DMBX1: variants seen among roughly 807,000 people sequenced by gnomAD.
The protein encoded by DMBX1 is diencephalon/mesencephalon homeobox 1, also known as diencephalon/mesencephalon homeobox protein 1.
DMBX1 carries 7 observed loss-of-function variants against 30.4 expected under a neutral mutation model. The observed-to-expected ratio is 0.23, with a 90% CI of 0.13 to 0.43. DMBX1 has a LOEUF of 0.43. Among genes scored for constraint, DMBX1 ranks in the 20% least tolerant of loss-of-function variants. The probability of loss-of-function intolerance (pLI) is 1.00; values close to 1 mark genes in which losing one functional copy is unlikely to be tolerated. For synonymous variants in DMBX1, 222 were observed against 214.2 expected, an observed-to-expected ratio of 1.04 and a Z score of -0.32; for missense variants, 460 against 508.5, an observed-to-expected ratio of 0.90 and a Z score of 0.92.
At position 46,510,964 on chromosome 1, in the gene DMBX1, C is replaced by G. The variant is rs766473923; in HGVS notation, c.363C>G (p.Phe121Leu). 6.2e-7 allele frequency: 1 copy of G among 1,609,350 alleles called. No individual in the cohort carries two copies. The highest frequency in any genetic ancestry group is 1.3e-5 in the African/African-American group (1 of 74,786). Residue 121 changes from phenylalanine to leucine, a missense_variant, in exon 5 of 6, where the codon TTC becomes TTG. Coordinates refer to ENST00000360032, the MANE Select transcript of DMBX1 (RefSeq NM_172225.2). This position sits in a 1 kb window ranked among gnomAD's most constrained non-coding sequence, Gnocchi z 4.1. Reference sequence around the variant, plus strand: ...GGTTCAAGAACCGCCGGGCCAAGTTCCGGAAGAAGCAGCGTAGCCTGCAGA... The same window carrying G: ...GGTTCAAGAACCGCCGGGCCAAGTTGCGGAAGAAGCAGCGTAGCCTGCAGA... ...QVWFKNRRAK[F>L]RKKQRSLQKE...
At chr1:46,498,786 A>T (rs1666070828) in intron 2 of DMBX1, among the ~76,000 whole-genome samples, 1 of 152,200 alleles carries the variant, frequency 6.6e-6, no homozygotes, top group Non-Finnish European at 1.5e-5. Flanking sequence ...TGGGCTTCAG[A>T]CCTATGGCTG....
At chr1:46,497,351 G>C (rs560490501) in intron 2 of DMBX1, among the ~76,000 whole-genome samples, 3 of 152,190 alleles carry the variant, frequency 2.0e-5, no homozygotes, top group Non-Finnish European at 4.4e-5. Flanking sequence ...GGTAGCTGTT[G>C]TTATTGTTGT....
chr1:46,511,333 CGT>C, intron 5 of DMBX1, 50 bp downstream of exon 5: 1 of 1,461,812 alleles, frequency 6.8e-7, no homozygotes, highest in Admixed American at 2.5e-5. Flanking sequence ...GGGCCCTGAG[CGT>C]GTGAAGCAAG....
Position 46,512,480 on chromosome 1 carries a change from A to G in DMBX1, c.1120A>G (p.Thr374Ala), listed in dbSNP as rs760888421. 1 of 1,608,964 alleles carries G rather than the reference A, an allele frequency of 6.2e-7. No homozygotes were observed. Among genetic ancestry groups the G allele is most frequent in the South Asian group, 1.1e-5 (1 of 90,766 alleles). The change falls in exon 6 of 6, where the codon ACG (threonine) becomes GCG (alanine). Residue 374 changes from threonine (T) to alanine (A), a missense_variant. By Grantham distance (58) the Thr-to-Ala change is moderately conservative. This residue lies in a region of DMBX1 where 334 missense variants were observed against 345.1 expected (regional missense o/e 0.97). Transcript: ENST00000360032. The surrounding 1 kb of genome is among the most constrained non-coding windows in gnomAD (Gnocchi z 4.8). ...KQHAASLGLD[T>A]LPN ...GCACGCGGCCTCCCTGGGACTCGATACGCTGCCCAACTGACTGTCTGGCTT... is the reference window on the plus strand; with the variant it reads ...GCACGCGGCCTCCCTGGGACTCGATGCGCTGCCCAACTGACTGTCTGGCTT...
At chr1:46,498,360 C>T (rs907520671) in intron 2 of DMBX1, among the ~76,000 whole-genome samples, 3 of 152,272 alleles carry the variant, frequency 2.0e-5, no homozygotes, top group Non-Finnish European at 4.4e-5. Flanking sequence ...TCAACATTTA[C>T]TATTTACTAA....
chr1:46,504,549 G>T (rs1479269973), intron 2 of DMBX1, among the ~76,000 whole-genome samples: 4 of 145,912 alleles, frequency 2.7e-5, no homozygotes, highest in African/African-American at 1.0e-4. Context: ...ATTTCTGAGG[G>T]CTCTGTTCTG....
At position 46,512,233 on chromosome 1, in the gene DMBX1, A is replaced by T. The variant is rs765249044; in HGVS notation, c.873A>T (p.Ala291=). ...TAGGGGGTCCGGCCCCTGCTGCTGC[A>T]GCGGCGGCTGCTGCTGTGCCCTACC... The part of the protein sequence containing the change: ...FEVGGPAPAA[A]AAAAAVPYLG... Residue 291 remains alanine (A), a synonymous_variant, in exon 6 of 6, where the codon GCA becomes GCT. Coordinates refer to ENST00000360032, the MANE Select transcript of DMBX1 (RefSeq NM_172225.2). This position sits in a 1 kb window ranked among gnomAD's most constrained non-coding sequence, Gnocchi z 4.8. 1 of 1,613,586 alleles carries T rather than the reference A, an allele frequency of 6.2e-7. No individual in the cohort carries two copies. The highest frequency in any genetic ancestry group is 8.5e-7 in the Non-Finnish European group (1 of 1,179,908).
At chr1:46,506,557 T>A (rs145943748) in intron 2 of DMBX1, among the ~76,000 whole-genome samples, 6 of 152,366 alleles carry the variant, frequency 3.9e-5, no homozygotes, top group Admixed American at 3.3e-4. Context: ...TAAATCACAA[T>A]GACTAACACT....
At chr1:46,507,262 G>A in intron 3 of DMBX1, 98 bp downstream of exon 3, 2 of 1,462,614 alleles carry the variant, frequency 1.4e-6, no homozygotes, top group South Asian at 1.4e-5. Flanking sequence ...GGCCAAGCTT[G>A]TTCTAGGGGG....
intron 1 of DMBX1, among the ~76,000 whole-genome samples, chr1:46,490,114 G>C (rs1180413751): frequency 6.6e-6 from 1 of 152,226 alleles, no homozygotes; most frequent in Non-Finnish European, 1.5e-5. Flanking sequence ...CAGACAGAGA[G>C]ACCCAGGGTG....
chr1:46,496,958 A>C (rs1666036320), intron 2 of DMBX1, among the ~76,000 whole-genome samples: 1 of 152,194 alleles, frequency 6.6e-6, no homozygotes, highest in Non-Finnish European at 1.5e-5. Flanking sequence ...CTCCCCTCAG[A>C]GTGTCACTGG....
Position 46,491,363 on chromosome 1 carries a change from C to T in DMBX1, c.-13+580C>T, listed in dbSNP as rs556006844. The stretch of plus-strand genomic sequence containing the variant: ...AGCCGAGAACCCACCGGGCCTGGAG[C>T]GCAGCCTCAGCGCTGGTTCCGACCC... On this transcript the variant is annotated intron_variant, in intron 2 of 5. Transcript: ENST00000360032. The surrounding 1 kb of genome is among the most constrained non-coding windows in gnomAD (Gnocchi z 5.5). Among the ~76,000 whole-genome samples the T allele has an allele frequency of 2.0e-5, 3 of 152,284 alleles. No individual in the cohort carries two copies. The highest frequency in any genetic ancestry group is 4.4e-5 in the Non-Finnish European group (3 of 68,020).
At chr1:46,508,363 A>G (rs1557788850) in intron 3 of DMBX1, among the ~76,000 whole-genome samples, 1 of 152,096 alleles carries the variant, frequency 6.6e-6, no homozygotes, top group East Asian at 1.9e-4. Flanking sequence ...AAAGGCCAAC[A>G]TGAGCAAAGG....
At position 46,510,892 on chromosome 1, in the gene DMBX1, C is replaced by T. The variant is rs1666352864; in HGVS notation, c.334-43C>T. ...AGCACCCTGCTCCACACCAACCCCA[C>T]TTCTTTCTTGCCCACCTCGGACTGC... On this transcript the variant is annotated intron_variant, in intron 4 of 5. Transcript: ENST00000360032. The surrounding 1 kb of genome is among the most constrained non-coding windows in gnomAD (Gnocchi z 4.1). 1 of 1,530,868 alleles carries T rather than the reference C, an allele frequency of 6.5e-7. No individual in the cohort carries two copies. Among genetic ancestry groups the T allele is most frequent in the Non-Finnish European group, 8.8e-7 (1 of 1,138,012 alleles). 94.8% of individuals were successfully genotyped at this position (1,530,868 alleles called of 1,614,324 possible). A position where few individuals can be genotyped will look rare whatever the true frequency, so the allele number is the denominator to read the frequency against.
intron 2 of DMBX1, among the ~76,000 whole-genome samples, chr1:46,498,765 G>A (rs1310854750): frequency 6.6e-6 from 1 of 152,202 alleles, no homozygotes; most frequent in East Asian, 1.9e-4. Flanking sequence ...GGCCGCACAT[G>A]GACACTGAGG....
At chr1:46,497,643 A>G (rs1261744081) in intron 2 of DMBX1, among the ~76,000 whole-genome samples, 2 of 152,182 alleles carry the variant, frequency 1.3e-5, no homozygotes, top group Non-Finnish European at 2.9e-5. Context: ...ATGCATTTTC[A>G]TGGCACTGCT....
rs1346204710 is a variant in DMBX1, at chr1:46,496,018, G to C, written c.-13+5235G>C. On this transcript the variant is annotated intron_variant, in intron 2 of 5. Transcript: ENST00000360032. ...GGTTCATTTGTTTCAAATGAGGCCT[G>C]GCCCACCCCACCCTCTGGTGGAGAG... 2.0e-5 allele frequency among the ~76,000 whole-genome samples: 3 copies of C among 152,198 alleles called. No individual in the cohort carries two copies. The East Asian group carries it at 5.8e-4, about 29-fold the overall frequency.
chr1:46,508,259 A>C (rs957590068), intron 3 of DMBX1, among the ~76,000 whole-genome samples: 1 of 152,192 alleles, frequency 6.6e-6, no homozygotes, highest in Non-Finnish European at 1.5e-5. Flanking sequence ...AGGGTATCCA[A>C]GGTCAAATGC....
chr1:46,506,520 G>GATTGCATAAAGC (rs1666239060), intron 2 of DMBX1, among the ~76,000 whole-genome samples: 1 of 152,244 alleles, frequency 6.6e-6, no homozygotes, highest in Admixed American at 6.5e-5. Context: ...ACGAAGAGAT[G>GATTGCATAAAGC]ATTGCATAAA....
Sources: allele counts gnomAD v4.1 joint callset (sites outside exome capture counted in the v4.1 genomes callset), GRCh38; gene constraint gnomAD v4.1.1; regional missense constraint gnomAD v4.1.1; non-coding constraint Gnocchi (gnomAD v3.1); transcripts MANE v1.5; gene names NCBI Gene and HGNC (gene_info 2026-07-23, HGNC 2026-07-21).